The following KLHDC1 variants were observed in gnomAD, a reference collection of about 807,000 sequenced individuals.
KLHDC1 encodes the protein kelch domain-containing protein 1.
A neutral mutation model predicts 68.3 loss-of-function variants in KLHDC1; 53 were observed. That is an observed-to-expected ratio of 0.78 (90% CI 0.62 to 0.98). The LOEUF (loss-of-function observed/expected upper bound fraction) is 0.98, where lower values mean the gene tolerates loss of function less well. Among genes scored for constraint, KLHDC1 ranks in the 50% least tolerant of loss-of-function variants. The pLI, the probability that KLHDC1 is intolerant of heterozygous loss-of-function variation, is 0.00. For missense variants in KLHDC1, 470 were observed against 492.3 expected, an observed-to-expected ratio of 0.95 and a Z score of 0.43; for synonymous variants, 148 against 159.0, an observed-to-expected ratio of 0.93 and a Z score of 0.52.
chr14:49,693,742 C>CTTTTTTTTTTTTTTTTTTTT (rs1566589138), intron 1 of KLHDC1, among the ~76,000 whole-genome samples: 7 of 60,972 alleles, frequency 1.1e-4, no homozygotes, highest in Admixed American at 4.4e-4. Context: ...ATTTTCTTTT[C>CTTTTTTTTTTTTTTTTTTTT]TTTTTCTTTT....
At chr14:49,707,297 T>TGA (rs762892306) in intron 1 of KLHDC1, among the ~76,000 whole-genome samples, 5,719 of 120,718 alleles carry the variant, frequency 0.047, 170 homozygotes, top group African/African-American at 0.08. Context: ...TGTGTGTGTG[T>TGA]GAGAGAGAGA....
At chr14:49,693,764 TGAGA>T (rs1249717587) in intron 1 of KLHDC1, among the ~76,000 whole-genome samples, 14 of 72,608 alleles carry the variant, frequency 1.9e-4, no homozygotes, top group South Asian at 2.5e-3. Flanking sequence ...TTTTTTTTTT[TGAGA>T]TGGAGTTTCG....
chr14:49,696,904 G>A (rs1359416441), intron 1 of KLHDC1, among the ~76,000 whole-genome samples: 2 of 149,330 alleles, frequency 1.3e-5, no homozygotes, highest in Non-Finnish European at 3.0e-5. Context: ...TGAACACTTA[G>A]AGTCCATTGT....
intron 4 of KLHDC1, among the ~76,000 whole-genome samples, chr14:49,718,738 TTTG>T (rs1244377624): frequency 1.3e-5 from 2 of 151,552 alleles, no homozygotes; most frequent in East Asian, 1.9e-4. Flanking sequence ...CAACTTTTGT[TTTG>T]TTGTTTTTCT....
intron 12 of KLHDC1, among the ~76,000 whole-genome samples, chr14:49,747,033 A>G (rs545232823): frequency 5.9e-5 from 8 of 136,588 alleles, no homozygotes; most frequent in South Asian, 2.4e-4. Context: ...TGCAAGCTCC[A>G]CCTCCCGGGT....
At chr14:49,729,121 C>A in intron 7 of KLHDC1, 112 bp downstream of exon 7, 1 of 707,728 alleles carries the variant, frequency 1.4e-6, no homozygotes, top group South Asian at 1.8e-5. Flanking sequence ...ATTAAAATGG[C>A]ATTCAATACT....
chr14:49,734,955 G>A (rs1341304175), intron 10 of KLHDC1, among the ~76,000 whole-genome samples: 2 of 152,028 alleles, frequency 1.3e-5, no homozygotes, highest in African/African-American at 4.8e-5. Flanking sequence ...AGCATCATAT[G>A]AGATTAATGT....
intron 1 of KLHDC1, among the ~76,000 whole-genome samples, chr14:49,706,770 CT>C: frequency 6.6e-6 from 1 of 152,234 alleles, no homozygotes; most frequent in South Asian, 2.1e-4. Flanking sequence ...GTTTGCCATA[CT>C]TATGTCTTCT....
At chr14:49,730,642 C>T (rs1888783188) in intron 8 of KLHDC1, among the ~76,000 whole-genome samples, 1 of 152,152 alleles carries the variant, frequency 6.6e-6, no homozygotes, top group Admixed American at 6.6e-5. Context: ...ATAAACAACT[C>T]ACAGAAGAAA....
Position 49,751,784 on chromosome 14 carries a change from C to CCTG in KLHDC1, c.*12_*13insCTG. On this transcript the variant is annotated 3_prime_UTR_variant, in exon 13 of 13. Transcript: ENST00000359332. ...TCAGTAGCAATTAAATTGTTATATA[C>CCTG]TTTACATATTTAGTATGTTTTAACT... 2 of 1,381,528 alleles carry CCTG rather than the reference C, an allele frequency of 1.4e-6. No individual in the cohort carries two copies. The highest frequency in any genetic ancestry group is 1.4e-5 in the South Asian group (1 of 72,340). 85.6% of individuals were successfully genotyped at this position (1,381,528 alleles called of 1,614,324 possible).
At chr14:49,705,344 T>C (rs2139733933) in intron 1 of KLHDC1, among the ~76,000 whole-genome samples, 1 of 147,096 alleles carries the variant, frequency 6.8e-6, no homozygotes, top group South Asian at 2.2e-4. Context: ...GACAATTCAC[T>C]TTCATAATAT....
At chr14:49,709,528 T>C (rs1888144159) in intron 2 of KLHDC1, among the ~76,000 whole-genome samples, 181 bp from the exon 3 acceptor site, 1 of 152,056 alleles carries the variant, frequency 6.6e-6, no homozygotes, top group Admixed American at 6.6e-5. Flanking sequence ...TTTTTTTTCC[T>C]AGCAGATTGA....
intron 11 of KLHDC1, among the ~76,000 whole-genome samples, chr14:49,740,963 G>T (rs1420722426): frequency 6.6e-6 from 1 of 151,964 alleles, no homozygotes; most frequent in Non-Finnish European, 1.5e-5. Context: ...GTGTGGAGGT[G>T]CATGCCTGTA....
chr14:49,728,064 G>C (rs1229660649), intron 6 of KLHDC1, among the ~76,000 whole-genome samples: 4 of 152,208 alleles, frequency 2.6e-5, no homozygotes, highest in Non-Finnish European at 1.5e-5. Context: ...GCTCACGCCT[G>C]TAATCTCAGC....
chr14:49,715,496 C>T (rs937090963), intron 4 of KLHDC1, among the ~76,000 whole-genome samples: 1 of 150,900 alleles, frequency 6.6e-6, no homozygotes, highest in Non-Finnish European at 1.5e-5. Context: ...CCTGTAAGCC[C>T]AGCACTTTGG....
At chr14:49,745,640 A>G (rs986454884) in intron 12 of KLHDC1, among the ~76,000 whole-genome samples, 36 of 152,264 alleles carry the variant, frequency 2.4e-4, no homozygotes, top group African/African-American at 8.7e-4. Flanking sequence ...AAGTCTTTGC[A>G]GAAGAAGGAT....
chr14:49,740,117 T>C lies in KLHDC1; in HGVS notation c.916T>C (p.Leu306=). Residue 306 remains leucine, a synonymous_variant, in exon 11 of 13, where the codon TTG becomes CTG. Transcript: ENST00000359332. ...TRPRLWHTAC[L]GKENEIMVFG... Reference sequence around the variant, plus strand: ...TCATAGGTTATGGCACACAGCCTGTTTGGGAAAAGAAAATGAAATAATGGT... The same window carrying C: ...TCATAGGTTATGGCACACAGCCTGTCTGGGAAAAGAAAATGAAATAATGGT... 6.2e-7 allele frequency: 1 copy of C among 1,610,928 alleles called. No individual in the cohort carries two copies. The highest frequency in any genetic ancestry group is 1.7e-5 in the Admixed American group (1 of 59,894).
intron 1 of KLHDC1, among the ~76,000 whole-genome samples, chr14:49,702,685 A>G (rs763081768): frequency 2.6e-5 from 4 of 152,216 alleles, no homozygotes; most frequent in Admixed American, 1.3e-4. Context: ...AGAACTGGTT[A>G]CAGCTCATAG....
chr14:49,732,198 A>G (rs936137797), intron 8 of KLHDC1, among the ~76,000 whole-genome samples: 1 of 151,368 alleles, frequency 6.6e-6, no homozygotes, highest in African/African-American at 2.4e-5. Context: ...TTGGAGAAGC[A>G]GTCTCTCTCT....
Sources: allele counts gnomAD v4.1 joint callset (sites outside exome capture counted in the v4.1 genomes callset), GRCh38; gene constraint gnomAD v4.1.1; transcripts MANE v1.5; gene names NCBI Gene and HGNC (gene_info 2026-07-23, HGNC 2026-07-21).